NLRC5: variants seen among roughly 807,000 people sequenced by gnomAD.
The protein encoded by NLRC5 is NLR family CARD domain containing 5.
Under a neutral mutation model 206.9 loss-of-function variants are expected in NLRC5, and 114 were observed. The ratio of observed to expected loss-of-function variants is 0.55; its 90% CI spans 0.47 to 0.64. The LOEUF is 0.64. Ranked by LOEUF, NLRC5 falls within the 30% of genes least tolerant of loss-of-function variation. The pLI is 0.00. For synonymous variants in NLRC5, 952 were observed against 962.8 expected (o/e 0.99, Z 0.21); for missense variants, 2,008 against 2,305.5 (o/e 0.87, Z 2.64).
At chr16:57,050,164 A>AT (rs1176193584) in intron 23 of NLRC5, among the ~76,000 whole-genome samples, 1 of 151,512 alleles carries the variant, frequency 6.6e-6, no homozygotes, top group Non-Finnish European at 1.5e-5. Context: ...CCCATGGTGT[A>AT]TTTGGGGGTC....
chr16:57,034,568 A>T, intron 13 of NLRC5: 1 of 273,454 alleles, frequency 3.7e-6, no homozygotes, highest in Non-Finnish European at 7.0e-6. Context: ...AGGTAGGAAG[A>T]GTCTAGGCTA....
chr16:57,021,472 A>G (rs1317894856), intron 3 of NLRC5, among the ~76,000 whole-genome samples: 1 of 152,074 alleles, frequency 6.6e-6, no homozygotes, highest in Non-Finnish European at 1.5e-5. Flanking sequence ...GATCCTTCCC[A>G]CTTCAGCCTC....
At chr16:57,027,995 C>T in intron 6 of NLRC5, 77 bp from the exon 7 acceptor site, 1 of 944,796 alleles carries the variant, frequency 1.1e-6, no homozygotes, top group Non-Finnish European at 1.6e-6. Context: ...TAAGCCCCAT[C>T]TCTCTGAGGG....
chr16:57,033,546 T>G, intron 11 of NLRC5, 58 bp from the exon 12 acceptor site: 1 of 1,560,428 alleles, frequency 6.4e-7, no homozygotes, highest in Admixed American at 1.7e-5. Flanking sequence ...GAAAGAGGCT[T>G]GATCCACCAG....
At chr16:57,045,164 A>G in intron 20 of NLRC5, 1 of 398,252 alleles carries the variant, frequency 2.5e-6, no homozygotes, top group South Asian at 2.3e-5. Flanking sequence ...CCATGACTGC[A>G]CCACTGCACA....
chr16:57,017,473 GC>G (rs1174821570), intron 2 of NLRC5, among the ~76,000 whole-genome samples: 1 of 152,166 alleles, frequency 6.6e-6, no homozygotes, highest in Non-Finnish European at 1.5e-5. Flanking sequence ...GAGTGTATCA[GC>G]TAGGATAGGC....
In NLRC5 at chr16:57,074,650, G is replaced by A. The variant is rs372167904; in HGVS notation, c.4718G>A (p.Arg1573Lys). ...NSSTLALLTH[R>K]LSQMTCLQSL... ...TCCACCTTGGCCTTGCTTACTCACA[G>A]ACTAAGCCAGATGACCTGCCTGCAG... Residue 1573 changes from arginine (R) to lysine (K), a missense_variant, in exon 39 of 49, where the codon AGA (arginine) becomes AAA (lysine). Coordinates refer to ENST00000688547, the MANE Select transcript of NLRC5 (RefSeq NM_001384950.1). The A allele has an allele frequency of 6.2e-7, 1 of 1,613,926 alleles. No homozygotes were observed. Among genetic ancestry groups the A allele is most frequent in the Admixed American group, 1.7e-5 (1 of 60,006 alleles).
chr16:57,033,216 G>A (rs886391698), intron 11 of NLRC5, among the ~76,000 whole-genome samples: 5 of 152,150 alleles, frequency 3.3e-5, no homozygotes, highest in African/African-American at 1.2e-4. Context: ...GACAATAGCA[G>A]CTTCTGTTTA....
chr16:57,007,770 T>G (rs1346933788), intron 1 of NLRC5, among the ~76,000 whole-genome samples: 1 of 152,194 alleles, frequency 6.6e-6, no homozygotes, highest in African/African-American at 2.4e-5. Flanking sequence ...CCCTTTTTTG[T>G]AAACCTTTTA....
chr16:57,060,640 AAC>A (rs144012212), intron 30 of NLRC5, among the ~76,000 whole-genome samples: 59 of 149,326 alleles, frequency 4.0e-4, no homozygotes, highest in Non-Finnish European at 4.6e-4. Flanking sequence ...CCACATACAC[AAC>A]ACACACACAC....
rs901852444 is a variant in NLRC5 at position 57,039,858 on chromosome 16, C to T, written c.2870+9C>T. The T allele has an allele frequency of 2.9e-5, 47 of 1,611,306 alleles. No homozygotes were observed. The highest frequency in any genetic ancestry group is 1.6e-4 in the Middle Eastern group (1 of 6,080). Reference sequence around the variant, plus strand: ...AAGGGGCCCCAGGAGAGGTAGGGCCCGATTTCACCCCAACTCCATGCTCAG... The same window carrying T: ...AAGGGGCCCCAGGAGAGGTAGGGCCTGATTTCACCCCAACTCCATGCTCAG... On this transcript the variant is annotated intron_variant, in intron 16 of 48. Transcript: ENST00000688547.
intron 24 of NLRC5, among the ~76,000 whole-genome samples, chr16:57,052,018 G>T (rs941935212): frequency 2.0e-5 from 3 of 152,128 alleles, no homozygotes; most frequent in Non-Finnish European, 4.4e-5. Flanking sequence ...CCCACGGAGG[G>T]TCACCCACTC....
At chr16:57,081,233 C>G in intron 47 of NLRC5, 52 bp downstream of exon 47, 1 of 1,503,558 alleles carries the variant, frequency 6.7e-7, no homozygotes, top group Non-Finnish European at 8.9e-7. Context: ...ACCTACATCC[C>G]GGGAACACCA....
At position 57,058,962 on chromosome 16, in the gene NLRC5, T is replaced by G; in HGVS notation, c.3831-10T>G. The G allele has an allele frequency of 6.2e-7, 1 of 1,613,426 alleles. No individual in the cohort carries two copies. Among genetic ancestry groups the G allele is most frequent in the Non-Finnish European group, 8.5e-7 (1 of 1,179,356 alleles). Reference sequence around the variant, plus strand: ...CCTCACTCCCATTCTCATCTCCATTTCCCTTCTAGTCTGAGTCACAACAGC... The same window carrying G: ...CCTCACTCCCATTCTCATCTCCATTGCCCTTCTAGTCTGAGTCACAACAGC... On this transcript the variant is annotated splice_polypyrimidine_tract_variant and intron_variant, in intron 28 of 48. Transcript: ENST00000688547.
At chr16:57,063,618 G>T (rs1252960967) in intron 32 of NLRC5, among the ~76,000 whole-genome samples, 1 of 152,162 alleles carries the variant, frequency 6.6e-6, no homozygotes, top group African/African-American at 2.4e-5. Context: ...TTGATCTCCT[G>T]AGCTCAAGTG....
chr16:57,033,878 C>T (rs2062177787), intron 12 of NLRC5, among the ~76,000 whole-genome samples: 1 of 152,166 alleles, frequency 6.6e-6, no homozygotes, highest in Non-Finnish European at 1.5e-5. Flanking sequence ...CTTAATGGAA[C>T]CGGCTATCTA....
At chr16:57,057,376 A>T (rs1012098226) in intron 27 of NLRC5, among the ~76,000 whole-genome samples, 1 of 152,250 alleles carries the variant, frequency 6.6e-6, no homozygotes, top group Non-Finnish European at 1.5e-5. Flanking sequence ...GTGAGCCAAG[A>T]TCGTGCCATT....
chr16:57,052,160 C>T (rs2065006209), intron 24 of NLRC5, among the ~76,000 whole-genome samples: 1 of 152,218 alleles, frequency 6.6e-6, no homozygotes, highest in African/African-American at 2.4e-5. Context: ...CTAATTTCAG[C>T]TCAGACTGGT....
chr16:57,041,102 TTGTC>T (rs1485601313), intron 17 of NLRC5, among the ~76,000 whole-genome samples: 1 of 152,182 alleles, frequency 6.6e-6, no homozygotes, highest in Non-Finnish European at 1.5e-5. Context: ...CTCTTGGTCT[TTGTC>T]TGTCCTAATC....
Sources: gnomAD v4.1 joint callset for allele counts (sites outside exome capture counted in the v4.1 genomes callset) on GRCh38, gnomAD v4.1.1 for gene constraint, MANE v1.5 for transcripts, NCBI Gene and HGNC (gene_info 2026-07-23, HGNC 2026-07-21) for gene names.